AMMECR1: variants seen among roughly 807,000 people sequenced by gnomAD.
The protein encoded by AMMECR1 is AMMECR nuclear protein 1.
In AMMECR1, 3 loss-of-function variants were observed where a neutral mutation model predicts 22.5. The observed-to-expected ratio is 0.13, with a 90% confidence interval of 0.06 to 0.35. The LOEUF (loss-of-function observed/expected upper bound fraction) is 0.35. AMMECR1 is among the 10% of genes least tolerant of loss of function. AMMECR1 has a pLI of 1.00. For synonymous variants in AMMECR1, 130 were observed against 116.7 expected, an observed-to-expected ratio of 1.11 and a Z score of -0.74; for missense variants, 235 against 278.7, an observed-to-expected ratio of 0.84 and a Z score of 1.12.
At chrX:110,204,182 C>T (rs1197235355) in intron 3 of AMMECR1, among the ~76,000 whole-genome samples, 1 of 111,425 alleles carries the variant, frequency 9.0e-6, no homozygotes, top group Non-Finnish European at 1.9e-5. Flanking sequence ...TGATCAGTAG[C>T]TTTGAATTTT....
At chrX:110,346,287 G>C (rs760357067) in intron 2 of AMMECR1, among the ~76,000 whole-genome samples, 10 of 111,142 alleles carry the variant, frequency 9.0e-5, no homozygotes, top group Admixed American at 8.6e-4. Context: ...ACATGGATGA[G>C]TCAAAAAAAA....
intron 2 of AMMECR1, among the ~76,000 whole-genome samples, chrX:110,360,185 C>A (rs1283874970): frequency 9.0e-6 from 1 of 110,940 alleles, no homozygotes; most frequent in Non-Finnish European, 1.9e-5. Flanking sequence ...GTATTGGGGG[C>A]ACACTGTGGT....
intron 2 of AMMECR1, among the ~76,000 whole-genome samples, chrX:110,222,552 T>A (rs1428713664): frequency 1.1e-5 from 1 of 94,001 alleles, no homozygotes; most frequent in African/African-American, 4.1e-5. Context: ...CATATGTAAC[T>A]AACCTGCACA....
At chrX:110,216,803 CT>C (rs989763261) in intron 2 of AMMECR1, among the ~76,000 whole-genome samples, 171 bp from the exon 3 acceptor site, 4 of 111,471 alleles carry the variant, frequency 3.6e-5, no homozygotes, top group South Asian at 3.7e-4. Flanking sequence ...TAGAAGTCAC[CT>C]TTTTTTTCAT....
At chrX:110,307,947 G>A (rs147006881) in intron 1 of AMMECR1, among the ~76,000 whole-genome samples, 1,645 of 95,235 alleles carry the variant, frequency 0.017, 77 homozygotes, top group Admixed American at 0.14. Context: ...ACGGCTCACT[G>A]CACCCTCGAC....
chrX:110,332,023 C>G (rs914632111), intron 2 of AMMECR1, among the ~76,000 whole-genome samples: 3 of 111,599 alleles, frequency 2.7e-5, no homozygotes, highest in Non-Finnish European at 5.6e-5. Flanking sequence ...CTTTATCAGG[C>G]TACTCTGATA....
intron 2 of AMMECR1, among the ~76,000 whole-genome samples, chrX:110,327,008 A>G (rs1375883872): frequency 8.9e-6 from 1 of 112,225 alleles, no homozygotes; most frequent in Non-Finnish European, 1.9e-5. Flanking sequence ...TAAACAAATA[A>G]GTGGTGATGA....
intron 2 of AMMECR1, among the ~76,000 whole-genome samples, chrX:110,250,251 T>C (rs2067680422): frequency 8.9e-6 from 1 of 112,105 alleles, no homozygotes; most frequent in African/African-American, 3.2e-5. Flanking sequence ...TTTGTAATGA[T>C]AGTCCAAGGC....
At position 110,397,808 on chromosome X, in the gene AMMECR1, G is replaced by A. The variant is rs773349944; in HGVS notation, c.-148+28850C>T. On this transcript the variant is annotated intron_variant, in intron 2 of 7. Coordinates refer to the AMMECR1 transcript ENST00000372057. ...GTGAAAAGGAAGTAATGGACTTGGG[G>A]GGGCAAACAGGCCTGGGGACAGCAC... is the stretch of plus-strand genomic sequence containing the variant. 9.8e-5 allele frequency among the ~76,000 whole-genome samples: 11 copies of A among 111,906 alleles called. No homozygotes were observed. In the South Asian group the frequency reaches 4.2e-3, roughly 43 times the overall value.
chrX:110,243,955 GATTA>G (rs1569385468), intron 2 of AMMECR1, among the ~76,000 whole-genome samples: 1 of 111,134 alleles, frequency 9.0e-6, no homozygotes, highest in Non-Finnish European at 1.9e-5. Context: ...GATAATCTAG[GATTA>G]ATTAAAAATT....
rs974011263 is a variant in AMMECR1 at position 110,224,653 on chromosome X, C to T, written c.585-8021G>A. Among the ~76,000 whole-genome samples the T allele has an allele frequency of 4.5e-5, 5 of 111,655 alleles. No homozygotes were observed. In the South Asian group the frequency reaches 1.9e-3, roughly 42 times the overall value. On this transcript the variant is annotated intron_variant, in intron 2 of 5. Transcript: ENST00000262844. ...TGCTTTGAAACAGTTTCTTAGTTTT[C>T]TTGAACTACAGTTTTTAAATCTTTT...
intron 2 of AMMECR1, among the ~76,000 whole-genome samples, chrX:110,363,592 T>C (rs1037969667): frequency 1.6e-4 from 18 of 111,994 alleles, no homozygotes; most frequent in Non-Finnish European, 3.4e-4. Context: ...AACAAGTTAT[T>C]TGACCATTAT....
chrX:110,214,029 C>T (rs1181214621), intron 3 of AMMECR1, among the ~76,000 whole-genome samples: 2 of 110,309 alleles, frequency 1.8e-5, no homozygotes, highest in African/African-American at 3.3e-5. Flanking sequence ...TTTGGGAGGC[C>T]GAGGTGGGTG....
chrX:110,359,235 A>G (rs1354251141), intron 2 of AMMECR1, among the ~76,000 whole-genome samples: 1 of 110,640 alleles, frequency 9.0e-6, no homozygotes, highest in Non-Finnish European at 1.9e-5. Flanking sequence ...TGTGTTTATC[A>G]TCCTTTCTCA....
intron 2 of AMMECR1, among the ~76,000 whole-genome samples, chrX:110,246,826 C>A (rs1336308806): frequency 8.9e-6 from 1 of 112,146 alleles, no homozygotes; most frequent in Non-Finnish European, 1.9e-5. Flanking sequence ...GAGCCATGAG[C>A]ATTTACTAGT....
intron 2 of AMMECR1, among the ~76,000 whole-genome samples, chrX:110,368,865 C>A (rs1166729412): frequency 9.0e-6 from 1 of 111,503 alleles, no homozygotes; most frequent in Non-Finnish European, 1.9e-5. Flanking sequence ...AAGATTCCTG[C>A]CATCTTCAGA....
intron 2 of AMMECR1, among the ~76,000 whole-genome samples, chrX:110,339,417 A>C (rs751522235): frequency 8.4e-5 from 9 of 106,898 alleles, no homozygotes; most frequent in Admixed American, 2.0e-4. Context: ...AAAAAAAAAA[A>C]AAAAAAAACA....
chrX:110,242,583 AC>A (rs1340455944), intron 2 of AMMECR1, among the ~76,000 whole-genome samples: 1 of 112,035 alleles, frequency 8.9e-6, no homozygotes, highest in Non-Finnish European at 1.9e-5. Flanking sequence ...AAGAGGGCCC[AC>A]AAGTCCAAAC....
chrX:110,222,573 G>A (rs2067508691), intron 2 of AMMECR1, among the ~76,000 whole-genome samples: 1 of 95,559 alleles, frequency 1.0e-5, no homozygotes, highest in South Asian at 5.1e-4. Context: ...ATGTGCACAT[G>A]TACCCTAAAA....
Sources: gnomAD v4.1 joint callset for allele counts (sites outside exome capture counted in the v4.1 genomes callset) on GRCh38, gnomAD v4.1.1 for gene constraint, MANE v1.5 for transcripts, NCBI Gene and HGNC (gene_info 2026-07-23, HGNC 2026-07-21) for gene names.